CREB3L1: variants seen among roughly 807,000 people sequenced by gnomAD.
CREB3L1 encodes the protein cAMP responsive element binding protein 3 like 1, also known as cyclic AMP-responsive element-binding protein 3-like protein 1.
Under a neutral mutation model 54.5 loss-of-function variants are expected in CREB3L1, and 33 were observed. That is an observed-to-expected ratio of 0.61 (90% CI 0.46 to 0.81). The LOEUF (loss-of-function observed/expected upper bound fraction) is 0.81, where lower values mean the gene tolerates loss of function less well. Among genes scored for constraint, CREB3L1 ranks in the 30% least tolerant of loss-of-function variants. CREB3L1 has a pLI of 0.00. For synonymous variants in CREB3L1, 284 were observed against 286.4 expected (o/e 0.99, Z 0.08); for missense variants, 656 against 673.3 (o/e 0.97, Z 0.29).
chr11:46,309,046 A>C (rs1356444115), intron 3 of CREB3L1, among the ~76,000 whole-genome samples: 1 of 152,212 alleles, frequency 6.6e-6, no homozygotes, highest in Non-Finnish European at 1.5e-5. Flanking sequence ...CCAGACCCTG[A>C]AGCCCACGCG....
chr11:46,296,306 T>A (rs1939209879), intron 1 of CREB3L1, among the ~76,000 whole-genome samples: 1 of 151,996 alleles, frequency 6.6e-6, no homozygotes, highest in South Asian at 2.1e-4. Context: ...GCCAAGTGGA[T>A]GCGGTGGAAG....
intron 1 of CREB3L1, among the ~76,000 whole-genome samples, chr11:46,298,142 ACTC>A (rs1939240680): frequency 6.6e-6 from 1 of 152,018 alleles, no homozygotes; most frequent in Non-Finnish European, 1.5e-5. Context: ...TTCATCTCCT[ACTC>A]CATGCAGACA....
At chr11:46,303,664 ATAAT>A in intron 2 of CREB3L1, among the ~76,000 whole-genome samples, 1 of 152,184 alleles carries the variant, frequency 6.6e-6, no homozygotes, top group East Asian at 1.9e-4. Flanking sequence ...ATAAATAATA[ATAAT>A]TAGTGACTAT....
At chr11:46,306,099 A>G (rs1405260269) in intron 2 of CREB3L1, among the ~76,000 whole-genome samples, 1 of 152,106 alleles carries the variant, frequency 6.6e-6, no homozygotes, top group Non-Finnish European at 1.5e-5. Flanking sequence ...GCTGGAGTGC[A>G]GTGGTCTGAT....
chr11:46,282,081 T>G (rs1483644034), intron 1 of CREB3L1, among the ~76,000 whole-genome samples: 1 of 152,172 alleles, frequency 6.6e-6, no homozygotes, highest in African/African-American at 2.4e-5. Context: ...TGGTCTGTCT[T>G]GTTCACTGCT....
At chr11:46,320,072 T>C (rs902532711) in intron 10 of CREB3L1, among the ~76,000 whole-genome samples, 192 bp from the exon 11 acceptor site, 2 of 152,112 alleles carry the variant, frequency 1.3e-5, no homozygotes, top group African/African-American at 4.8e-5. Context: ...AGTATCCCTA[T>C]TTTACAGAAG....
chr11:46,294,007 C>CT (rs1939167901), intron 1 of CREB3L1, among the ~76,000 whole-genome samples: 1 of 152,186 alleles, frequency 6.6e-6, no homozygotes, highest in Admixed American at 6.5e-5. Context: ...CTGTACAAGG[C>CT]TGCACATGGA....
chr11:46,289,257 T>C (rs772371441), intron 1 of CREB3L1, among the ~76,000 whole-genome samples: 3 of 152,138 alleles, frequency 2.0e-5, no homozygotes, highest in Non-Finnish European at 4.4e-5. Flanking sequence ...TCCATTCCTG[T>C]AGTCCCAGCT....
chr11:46,316,337 C>T lies in CREB3L1; in HGVS notation c.1083C>T (p.Ile361=). The change falls in exon 9 of 12, where the codon ATC becomes ATT. Residue 361 remains isoleucine, a synonymous_variant. Transcript: ENST00000621158. ...QKLQTLVTNK[I]SRPYKMAATQ... is the part of the protein sequence containing the mutation. ...TCCAGACTCTGGTCACCAACAAGAT[C>T]TCCAGACCTTACAAGATGGCCGCCA... is the stretch of plus-strand genomic sequence containing the variant. The T allele has an allele frequency of 6.3e-7, 1 of 1,576,198 alleles. No homozygotes were observed. The highest frequency in any genetic ancestry group is 1.4e-5 in the African/African-American group (1 of 73,980).
rs868810864 is a variant in CREB3L1 at position 46,277,950 on chromosome 11, C to G, written c.-162C>G. 2.4e-5 allele frequency: 10 copies of G among 410,284 alleles called. No individual in the cohort carries two copies. Among genetic ancestry groups the G allele is most frequent in the Non-Finnish European group, 8.5e-6 (2 of 236,412 alleles). 25.4% of individuals were successfully genotyped at this position (410,284 alleles called of 1,614,324 possible). ...AGGCCCCCGCGCGCCCCGCGCCCCC[C>G]ACCCGGGGCCGCGCCGCCTCCGTCC... On this transcript the variant is annotated 5_prime_UTR_variant, in exon 1 of 12. Coordinates refer to ENST00000621158, the MANE Select transcript of CREB3L1 (RefSeq NM_052854.4).
At chr11:46,314,523 C>T (rs1233645158) in intron 8 of CREB3L1, among the ~76,000 whole-genome samples, 1 of 151,898 alleles carries the variant, frequency 6.6e-6, no homozygotes, top group Non-Finnish European at 1.5e-5. Flanking sequence ...ACCACAGGCG[C>T]ACACCACCAC....
At position 46,297,371 on chromosome 11, in the gene CREB3L1, G is replaced by T. The variant is rs147871188; in HGVS notation, c.103-2564G>T. On this transcript the variant is annotated intron_variant, in intron 1 of 11. Transcript: ENST00000621158. ...TGGTATGCTGATGGCATTGCCATCT[G>T]GGTTCTAAGGCCCTGTCCCTCCACC... Among the ~76,000 whole-genome samples the T allele has an allele frequency of 1.1e-3, 161 of 152,346 alleles. 1 individual carries two copies. Among genetic ancestry groups the T allele is most frequent in the Non-Finnish European group, 1.8e-3 (124 of 68,022 alleles).
intron 1 of CREB3L1, among the ~76,000 whole-genome samples, chr11:46,281,237 C>T (rs1341515310): frequency 6.6e-6 from 1 of 152,204 alleles, no homozygotes; most frequent in Non-Finnish European, 1.5e-5. Flanking sequence ...GATGTGGCCA[C>T]CCTTGAGCCA....
intron 2 of CREB3L1, among the ~76,000 whole-genome samples, chr11:46,306,460 C>T (rs1009682972): frequency 1.3e-5 from 2 of 151,378 alleles, no homozygotes; most frequent in Non-Finnish European, 2.9e-5. Context: ...CTCATGATGG[C>T]ACCACTGCAC....
intron 1 of CREB3L1, among the ~76,000 whole-genome samples, chr11:46,286,446 T>C (rs1939055494): frequency 6.6e-6 from 1 of 152,216 alleles, no homozygotes; most frequent in Non-Finnish European, 1.5e-5. Context: ...ATATAGACTG[T>C]ATATCTATCA....
chr11:46,283,812 G>C (rs1342741510), intron 1 of CREB3L1, among the ~76,000 whole-genome samples: 4 of 152,166 alleles, frequency 2.6e-5, no homozygotes, highest in Non-Finnish European at 4.4e-5. Context: ...GAGCCCAGGA[G>C]TTCAAGGCTG....
Position 46,311,033 on chromosome 11 carries a change from G to A in CREB3L1, c.597G>A (p.Glu199=). 6.9e-6 allele frequency: 11 copies of A among 1,594,356 alleles called. No individual in the cohort carries two copies. The highest frequency in any genetic ancestry group is 9.4e-6 in the Non-Finnish European group (11 of 1,170,444). ...EVNQFLKVTP[E]DLVQMPPTPP... ...CTCGGTTTCCCCTGCTCTCCCCAGA[G>A]GACCTGGTGCAGATGCCTCCGACGC... The change falls in exon 5 of 12, where the codon GAG becomes GAA. Residue 199 remains glutamate (E), a splice_region_variant and synonymous_variant. Transcript: ENST00000621158.
At chr11:46,281,054 A>G (rs1164803576) in intron 1 of CREB3L1, among the ~76,000 whole-genome samples, 2 of 152,214 alleles carry the variant, frequency 1.3e-5, no homozygotes, top group Admixed American at 1.3e-4. Flanking sequence ...CACAAAGTCA[A>G]GACAAGTGTG....
chr11:46,299,756 G>A (rs543070918), intron 1 of CREB3L1, among the ~76,000 whole-genome samples, 179 bp from the exon 2 acceptor site: 81 of 152,276 alleles, frequency 5.3e-4, no homozygotes, highest in African/African-American at 1.7e-3. Context: ...AGTTGGTGTT[G>A]CAATGTTGGT....
Sources: allele counts gnomAD v4.1 joint callset (sites outside exome capture counted in the v4.1 genomes callset), GRCh38; gene constraint gnomAD v4.1.1; transcripts MANE v1.5; gene names NCBI Gene and HGNC (gene_info 2026-07-23, HGNC 2026-07-21).